DST: variants seen among roughly 807,000 people sequenced by gnomAD.
DST encodes dystonin.
In DST, 253 loss-of-function variants were observed where a neutral mutation model predicts 875.2. The ratio of observed to expected loss-of-function variants is 0.29; its 90% confidence interval spans 0.26 to 0.32. The LOEUF (loss-of-function observed/expected upper bound fraction) is 0.32, where lower values mean the gene tolerates loss of function less well. Ranked by LOEUF, DST falls within the 10% of genes least tolerant of loss-of-function variation. The pLI is 1.00. For synonymous variants in DST, 3,124 were observed against 3,197.1 expected, an observed-to-expected ratio of 0.98 and a Z score of 0.77; for missense variants, 8,287 against 9,111.6, an observed-to-expected ratio of 0.91 and a Z score of 3.68.
At chr6:56,677,213 T>C (rs990340744) in intron 9 of DST, among the ~76,000 whole-genome samples, 1 of 152,202 alleles carries the variant, frequency 6.6e-6, no homozygotes, top group African/African-American at 2.4e-5. Flanking sequence ...CAAGTGCTTA[T>C]CACAGCGCCG....
chr6:56,749,382 C>T (rs2099581214), intron 4 of DST, among the ~76,000 whole-genome samples: 1 of 151,994 alleles, frequency 6.6e-6, no homozygotes, highest in East Asian at 1.9e-4. Flanking sequence ...AGCTTGGGAG[C>T]TCTTGCCTTT....
At chr6:56,717,512 G>T (rs1159355110) in intron 5 of DST, among the ~76,000 whole-genome samples, 1 of 152,158 alleles carries the variant, frequency 6.6e-6, no homozygotes, top group Non-Finnish European at 1.5e-5. Context: ...TCTAAATTCT[G>T]CTAAGGTACA....
At position 56,604,448 on chromosome 6, in the gene DST, T is replaced by C; in HGVS notation, c.10180A>G (p.Thr3394Ala). Reference sequence around the variant, plus strand: ...GCCTCATTTACCAACTGTGATGTGGTAATCCTTTTAATTAAATTTTGAATT... The same window carrying C: ...GCCTCATTTACCAACTGTGATGTGGCAATCCTTTTAATTAAATTTTGAATT... ...ILIQNLIKRI[T>A]TSQLVNEAST... Residue 3394 changes from threonine (T) to alanine (A), a missense_variant, in exon 40 of 104, where the codon ACC (threonine) becomes GCC (alanine). This residue lies in a region of DST where 3,138 missense variants were observed against 3,116.6 expected (regional missense o/e 1.01). Transcript: ENST00000680361. 1.9e-6 allele frequency: 3 copies of C among 1,609,186 alleles called. No individual in the cohort carries two copies. Among genetic ancestry groups the C allele is most frequent in the Admixed American group, 3.4e-5 (2 of 59,294 alleles).
rs2099324172 is a variant in DST at position 56,704,344 on chromosome 6, T to C, written c.713A>G (p.Tyr238Cys). 1.9e-6 allele frequency: 3 copies of C among 1,573,444 alleles called. No individual in the cohort carries two copies. Among genetic ancestry groups the C allele is most frequent in the Non-Finnish European group, 1.7e-6 (2 of 1,157,872 alleles). The change falls in exon 6 of 104, where the codon TAT (tyrosine) becomes TGT (cysteine). Residue 238 changes from tyrosine (Y) to cysteine (C), a missense_variant. Transcript: ENST00000680361. The stretch of plus-strand genomic sequence containing the variant: ...ATTGTGTCCATCCCTTAAGTCTTCA[T>C]AGAGATCATTCACATGTTTTCGAAC... ...MKVRKHVNDL[Y>C]EDLRDGHNLI... is the part of the protein sequence containing the mutation.
At chr6:56,523,320 T>C (rs2096740558) in intron 69 of DST, among the ~76,000 whole-genome samples, 1 of 152,146 alleles carries the variant, frequency 6.6e-6, no homozygotes. Flanking sequence ...TTCAATAGCG[T>C]ATCTTTTCAA....
At chr6:56,656,473 C>T (rs1483121830) in intron 10 of DST, among the ~76,000 whole-genome samples, 2 of 152,172 alleles carry the variant, frequency 1.3e-5, no homozygotes, top group Non-Finnish European at 2.9e-5. Flanking sequence ...ATACTGATAC[C>T]TACTATGTGG....
At chr6:56,837,508 CTCTT>C (rs1159672002) in intron 4 of DST, among the ~76,000 whole-genome samples, 1 of 152,124 alleles carries the variant, frequency 6.6e-6, no homozygotes, top group African/African-American at 2.4e-5. Flanking sequence ...TGCCAGAGTG[CTCTT>C]TCTAATATCT....
intron 72 of DST, 56 bp from the exon 73 acceptor site, chr6:56,511,456 C>A: frequency 7.0e-7 from 1 of 1,419,740 alleles, no homozygotes. Context: ...CATATTACAG[C>A]TGTCTACACC....
chr6:56,795,159 G>C (rs2099737547), intron 4 of DST, among the ~76,000 whole-genome samples: 1 of 152,000 alleles, frequency 6.6e-6, no homozygotes, highest in South Asian at 2.1e-4. Context: ...TTAGAAAGGA[G>C]GGAAGATACT....
Position 56,459,150 on chromosome 6 carries a change from A to C in DST, c.23312T>G (p.Val7771Gly). 1.9e-6 allele frequency: 3 copies of C among 1,613,936 alleles called. No individual in the cohort carries two copies. The highest frequency in any genetic ancestry group is 1.7e-6 in the Non-Finnish European group (2 of 1,179,880). ...SDFDISEIQS[V>G]CSDVETVPQT... The stretch of plus-strand genomic sequence containing the variant: ...GGGGACAGTTTCCACATCTGAGCAC[A>C]CGGACTGGATTTCTGAAATGTCAAA... Residue 7771 changes from valine to glycine, a missense_variant, in exon 104 of 104, where the codon GTG (valine) becomes GGG (glycine). Physicochemically the swap from Val to Gly is moderately radical, Grantham distance 109. This residue lies in a region of DST where 240 missense variants were observed against 237.3 expected (regional missense o/e 1.01). Coordinates refer to ENST00000680361, the MANE Select transcript of DST (RefSeq NM_001374736.1).
At chr6:56,595,780 C>CCG (rs1010256454) in intron 47 of DST, among the ~76,000 whole-genome samples, 1 of 142,794 alleles carries the variant, frequency 7.0e-6, no homozygotes, top group African/African-American at 3.1e-5. Context: ...TCATATGCTA[C>CCG]CCCCACCCCA....
chr6:56,900,356 A>T, intron 3 of DST, 65 bp downstream of exon 3: 1 of 1,254,918 alleles, frequency 8.0e-7, no homozygotes, highest in Non-Finnish European at 1.1e-6. Context: ...TTTTTAAACT[A>T]AAAGAACAAC....
intron 47 of DST, among the ~76,000 whole-genome samples, chr6:56,597,301 G>A (rs1291749746): frequency 6.6e-6 from 1 of 151,668 alleles, no homozygotes; most frequent in Middle Eastern, 3.2e-3. Context: ...GTGAACATAT[G>A]GCCTAGTTTT....
intron 61 of DST, among the ~76,000 whole-genome samples, chr6:56,550,547 A>G (rs2097304840): frequency 1.3e-5 from 2 of 152,204 alleles, no homozygotes; most frequent in South Asian, 2.1e-4. Context: ...AGTTCTCCAC[A>G]TGAACAGCCA....
intron 50 of DST, among the ~76,000 whole-genome samples, chr6:56,578,340 A>T (rs1487995633): frequency 6.6e-6 from 1 of 152,132 alleles, no homozygotes; most frequent in Admixed American, 6.5e-5. Flanking sequence ...GTGCCACTGC[A>T]CTCAGCCTGG....
At chr6:56,627,834 G>C (rs1381326614) in intron 33 of DST, among the ~76,000 whole-genome samples, 165 bp downstream of exon 33, 2 of 152,110 alleles carry the variant, frequency 1.3e-5, no homozygotes, top group African/African-American at 4.8e-5. Context: ...ATAAAAATAA[G>C]TCATGTATGT....
intron 9 of DST, chr6:56,692,620 A>G: frequency 7.8e-7 from 1 of 1,289,812 alleles, no homozygotes; most frequent in Non-Finnish European, 1.0e-6. Context: ...TCGGAAAGAA[A>G]AAACATCAGT....
intron 4 of DST, among the ~76,000 whole-genome samples, chr6:56,807,547 G>T (rs557106977): frequency 5.5e-4 from 84 of 152,218 alleles, no homozygotes; most frequent in African/African-American, 1.9e-3. Context: ...TTAAACACAC[G>T]GGTCAATGGA....
chr6:56,782,586 T>G (rs2099696370), intron 4 of DST, among the ~76,000 whole-genome samples: 1 of 152,216 alleles, frequency 6.6e-6, no homozygotes, highest in African/African-American at 2.4e-5. Context: ...TTATCATTTT[T>G]TATTGCATCT....
Sources: allele counts gnomAD v4.1 joint callset (sites outside exome capture counted in the v4.1 genomes callset), GRCh38; gene constraint gnomAD v4.1.1; regional missense constraint gnomAD v4.1.1; transcripts MANE v1.5; gene names NCBI Gene and HGNC (gene_info 2026-07-23, HGNC 2026-07-21).